BEND7: variants seen among roughly 807,000 people sequenced by gnomAD.
BEND7 encodes the protein BEN domain-containing protein 7.
BEND7 carries 28 observed loss-of-function variants against 50.9 expected under a neutral mutation model. The ratio of observed to expected loss-of-function variants is 0.55; its 90% CI spans 0.41 to 0.75. The LOEUF is 0.75. Among genes scored for constraint, BEND7 ranks in the 30% least tolerant of loss-of-function variants. BEND7 has a pLI of 0.00. For synonymous variants in BEND7, 170 were observed against 183.9 expected, an observed-to-expected ratio of 0.92 and a Z score of 0.61; for missense variants, 477 against 491.3, an observed-to-expected ratio of 0.97 and a Z score of 0.28.
At chr10:13,447,527 G>A (rs1361390738) in intron 7 of BEND7, among the ~76,000 whole-genome samples, 7 of 143,902 alleles carry the variant, frequency 4.9e-5, no homozygotes, top group Non-Finnish European at 9.1e-5. Flanking sequence ...CAACTTTCCC[G>A]TATTAAAACT....
At chr10:13,518,514 T>C (rs980558130) in intron 2 of BEND7, among the ~76,000 whole-genome samples, 8 of 152,246 alleles carry the variant, frequency 5.3e-5, no homozygotes, top group Non-Finnish European at 8.8e-5. Flanking sequence ...AGTTTACAGA[T>C]GGGCCAGCGC....
intron 6 of BEND7, among the ~76,000 whole-genome samples, chr10:13,479,006 CTTTTTTT>C (rs34144594): frequency 1.6e-5 from 2 of 127,746 alleles, no homozygotes; most frequent in African/African-American, 2.9e-5. Flanking sequence ...TTGTAATATA[CTTTTTTT>C]TTTTTTTTTT....
chr10:13,525,902 G>A (rs1174092398), intron 2 of BEND7, among the ~76,000 whole-genome samples: 5 of 152,198 alleles, frequency 3.3e-5, no homozygotes, highest in African/African-American at 1.2e-4. Flanking sequence ...GGCTCTGTGA[G>A]TGAGTGATAA....
rs185658843 is a variant in BEND7, at chr10:13,507,769, G to A, written c.146-7689C>T. 3.3e-4 allele frequency among the ~76,000 whole-genome samples: 50 copies of A among 152,320 alleles called. No individual in the cohort carries two copies. The East Asian group carries it at 7.3e-3, about 22-fold the overall frequency. On this transcript the variant is annotated intron_variant, in intron 2 of 8. Coordinates refer to ENST00000466271, the MANE Select transcript of BEND7 (RefSeq NM_001369863.1). ...CTGCAGGAGAGGTGACAATGAGAAT[G>A]CATCTCTGTTTGTGGTGATGAAAAA...
chr10:13,513,979 TGCAG>T (rs1316172674), intron 2 of BEND7, among the ~76,000 whole-genome samples: 2 of 152,240 alleles, frequency 1.3e-5, no homozygotes, highest in African/African-American at 4.8e-5. Context: ...CGACTGTCTG[TGCAG>T]CCCTGGCCCT....
downstream of BEND7, among the ~76,000 whole-genome samples, chr10:13,439,915 C>T (rs759844786): frequency 3.7e-4 from 57 of 152,222 alleles, 1 homozygote; most frequent in Admixed American, 6.5e-4. Context: ...GCCCCGCCTC[C>T]CCTCTCGCCC....
At chr10:13,527,028 C>T (rs1185021391) in intron 1 of BEND7, among the ~76,000 whole-genome samples, 3 of 152,156 alleles carry the variant, frequency 2.0e-5, no homozygotes, top group Non-Finnish European at 1.5e-5. Context: ...ACACCTAGTC[C>T]CCTTTCTCTG....
chr10:13,459,478 C>A (rs1839766332), intron 6 of BEND7: 1 of 152,198 alleles, frequency 6.6e-6, no homozygotes. Flanking sequence ...GGCTTGATAT[C>A]CATCTATTGT....
At chr10:13,460,333 G>A (rs546100744) in intron 6 of BEND7, among the ~76,000 whole-genome samples, 4 of 152,266 alleles carry the variant, frequency 2.6e-5, no homozygotes, top group Non-Finnish European at 2.9e-5. Context: ...TGCACCCCAC[G>A]AGACATCTTT....
chr10:13,450,841 G>A (rs1027683505), intron 7 of BEND7, among the ~76,000 whole-genome samples: 4 of 152,058 alleles, frequency 2.6e-5, no homozygotes, highest in African/African-American at 7.2e-5. Flanking sequence ...AACCTGGGGG[G>A]AAATGGGCAT....
At chr10:13,495,776 A>G (rs1402619264) in intron 4 of BEND7, among the ~76,000 whole-genome samples, 1 of 152,254 alleles carries the variant, frequency 6.6e-6, no homozygotes, top group Non-Finnish European at 1.5e-5. Context: ...ACATCACTGA[A>G]TATTAAAATT....
chr10:13,520,528 A>T (rs573233534), intron 2 of BEND7, among the ~76,000 whole-genome samples: 49 of 152,200 alleles, frequency 3.2e-4, no homozygotes, highest in South Asian at 8.3e-4. Context: ...TGAAGTCTCT[A>T]AGCAGGAGAG....
At chr10:13,488,059 C>T (rs1450059195) in intron 5 of BEND7, among the ~76,000 whole-genome samples, 2 of 136,270 alleles carry the variant, frequency 1.5e-5, no homozygotes, top group Admixed American at 8.3e-5. Context: ...CCAGCCTGGA[C>T]GACAGAGTGA....
intron 2 of BEND7, among the ~76,000 whole-genome samples, chr10:13,522,949 T>G (rs981013408): frequency 3.3e-5 from 5 of 152,196 alleles, no homozygotes; most frequent in Non-Finnish European, 5.9e-5. Context: ...AAGTGCTCAG[T>G]GTGCTGCCTT....
chr10:13,456,435 A>G (rs990503357), intron 6 of BEND7, among the ~76,000 whole-genome samples: 1 of 152,170 alleles, frequency 6.6e-6, no homozygotes, highest in African/African-American at 2.4e-5. Flanking sequence ...AGTGATCCGG[A>G]TGACAGTGGG....
chr10:13,439,105 C>T (rs1835043188), downstream of BEND7: 2 of 1,397,388 alleles, frequency 1.4e-6, no homozygotes, highest in Non-Finnish European at 1.9e-6. Flanking sequence ...AACAGCCTGA[C>T]ATCACAAGGC....
intron 6 of BEND7, among the ~76,000 whole-genome samples, chr10:13,472,698 C>G (rs28392853): frequency 0.028 from 4,248 of 150,370 alleles, 194 homozygotes; most frequent in African/African-American, 0.099. Flanking sequence ...CATCATCGCT[C>G]TTAGACTCAG....
At chr10:13,454,919 C>T (rs1159392437) in intron 6 of BEND7, among the ~76,000 whole-genome samples, 1 of 152,142 alleles carries the variant, frequency 6.6e-6, no homozygotes, top group African/African-American at 2.4e-5. Context: ...CGCCTGTAAT[C>T]CCAGTACTCT....
chr10:13,528,566 G>GGCGGCGGCA lies in BEND7; in HGVS notation c.-42_-34dup, dbSNP rs760063623. ...GGAAGGCGGCGGCGGGGGCTGAGGAGGCGGCGGCAGCGGCGGCAGCGGCAG... is the reference window on the plus strand; with the variant it reads ...GGAAGGCGGCGGCGGGGGCTGAGGAGGCGGCGGCAGCGGCGGCAGCGGCGGCAGCGGCAG... On this transcript the variant is annotated 5_prime_UTR_variant, in exon 1 of 9. Coordinates refer to ENST00000466271, the MANE Select transcript of BEND7 (RefSeq NM_001369863.1). 1.7e-5 allele frequency: 16 copies of GGCGGCGGCA among 942,476 alleles called. 1 individual carries two copies. The South Asian group carries it at 2.3e-4, about 13-fold the overall frequency. The allele number at this position is 942,476 out of a possible 1,614,324, so 58.4% of individuals were successfully genotyped here.
Sources: gnomAD v4.1 joint callset for allele counts (sites outside exome capture counted in the v4.1 genomes callset) on GRCh38, gnomAD v4.1.1 for gene constraint, MANE v1.5 for transcripts, NCBI Gene and HGNC (gene_info 2026-07-23, HGNC 2026-07-21) for gene names.